Variants in KLHL13 observed in about 807,000 individuals in gnomAD.
KLHL13 encodes the protein kelch like family member 13, also known as kelch-like protein 13.
A neutral mutation model predicts 37.1 loss-of-function variants in KLHL13; 10 were observed. The ratio of observed to expected loss-of-function variants is 0.27; its 90% CI spans 0.17 to 0.46. The LOEUF is 0.46. KLHL13 is among the 20% of genes least tolerant of loss of function. KLHL13 has a pLI of 1.00. For missense variants in KLHL13, 360 were observed against 509.3 expected (o/e 0.71, Z 2.82); for synonymous variants, 163 against 181.2 (o/e 0.90, Z 0.81).
At chrX:117,950,526 A>T (rs1273850401) in intron 1 of KLHL13, among the ~76,000 whole-genome samples, 1 of 112,061 alleles carries the variant, frequency 8.9e-6, no homozygotes. Context: ...TATAATATAG[A>T]TATTTCAAGT....
rs762268922 is a variant in KLHL13, at chrX:117,981,249, C to T, written c.-55-35674G>A. On this transcript the variant is annotated intron_variant, in intron 1 of 6. Coordinates refer to the KLHL13 transcript ENST00000371882. Reference sequence around the variant, plus strand: ...TTCATGTGTTGTAAAATAATCACAGCTTGTTTTGGCATTAGGTTTAGCTTT... The same window carrying T: ...TTCATGTGTTGTAAAATAATCACAGTTTGTTTTGGCATTAGGTTTAGCTTT... 3.6e-5 allele frequency among the ~76,000 whole-genome samples: 4 copies of T among 112,218 alleles called. No individual in the cohort carries two copies. The South Asian group carries it at 1.5e-3, about 41-fold the overall frequency.
At chrX:118,075,386 T>C (rs1396795662) in intron 1 of KLHL13, among the ~76,000 whole-genome samples, 1 of 112,081 alleles carries the variant, frequency 8.9e-6, no homozygotes. Flanking sequence ...TTAGCAGTAT[T>C]TCTCAAAATG....
intron 1 of KLHL13, among the ~76,000 whole-genome samples, chrX:117,950,955 T>C (rs1277466123): frequency 8.9e-6 from 1 of 112,320 alleles, no homozygotes; most frequent in Non-Finnish European, 1.9e-5. Context: ...AGGTATTTCC[T>C]TCCACCCTTG....
intron 1 of KLHL13, among the ~76,000 whole-genome samples, chrX:117,952,631 G>A (rs1197634928): frequency 9.1e-6 from 1 of 109,517 alleles, no homozygotes; most frequent in Non-Finnish European, 1.9e-5. Context: ...TACAAAATGG[G>A]AGAAAATTTT....
chrX:118,090,371 C>G (rs1273258944), intron 1 of KLHL13, among the ~76,000 whole-genome samples: 1 of 111,304 alleles, frequency 9.0e-6, no homozygotes, highest in Non-Finnish European at 1.9e-5. Flanking sequence ...TTGCAATCTA[C>G]TTATCTAACA....
At chrX:117,999,820 C>T (rs1343407672) in intron 1 of KLHL13, among the ~76,000 whole-genome samples, 1 of 111,314 alleles carries the variant, frequency 9.0e-6, no homozygotes, top group Non-Finnish European at 1.9e-5. Context: ...ATAACTGGCA[C>T]ATAGAACGGA....
chrX:118,028,396 A>G (rs1015819844), intron 1 of KLHL13, 28 bp downstream of exon 2: 4 of 975,509 alleles, frequency 4.1e-6, no homozygotes, highest in African/African-American at 1.9e-5. Context: ...AAGACGTTAT[A>G]TAAGTTAAAC....
intron 1 of KLHL13, among the ~76,000 whole-genome samples, chrX:118,039,339 C>A (rs1361826106): frequency 8.9e-6 from 1 of 112,068 alleles, no homozygotes; most frequent in Non-Finnish European, 1.9e-5. Context: ...CCTGCCCTGG[C>A]CAGAGGGGAG....
rs2053794597 is a variant in KLHL13, at chrX:117,991,853, C to A, written c.-55-46278G>T. Among the ~76,000 whole-genome samples, 4 of 54,619 alleles carry A rather than the reference C, an allele frequency of 7.3e-5. 1 individual carries two copies. The allele number at this position is 54,619 out of a possible 115,157, so 47.4% of individuals were successfully genotyped here. A position where few individuals can be genotyped will look rare whatever the true frequency, so the allele number is the denominator to read the frequency against. The stretch of plus-strand genomic sequence containing the variant: ...ATCTTCTCCTACAGTGAAACTCTCT[C>A]TCTCTCTCTCTCTCTCTCTCTCTCT... On this transcript the variant is annotated intron_variant, in intron 1 of 6. Coordinates refer to the KLHL13 transcript ENST00000371882.
chrX:118,013,073 T>G (rs2054088384), intron 1 of KLHL13, among the ~76,000 whole-genome samples: 1 of 112,322 alleles, frequency 8.9e-6, no homozygotes, highest in African/African-American at 3.2e-5. Context: ...AACTTGTCTG[T>G]AAGAAATGGT....
At chrX:118,043,104 G>C (rs919461813) in intron 1 of KLHL13, among the ~76,000 whole-genome samples, 2 of 111,244 alleles carry the variant, frequency 1.8e-5, no homozygotes, top group African/African-American at 6.5e-5. Context: ...TGGCTACTAT[G>C]AGCAAATACA....
intron 2 of KLHL13, among the ~76,000 whole-genome samples, chrX:117,929,397 G>A (rs1397844922): frequency 1.8e-5 from 2 of 110,643 alleles, no homozygotes; most frequent in African/African-American, 3.3e-5. Context: ...AAAATCCATC[G>A]GGCACAAAGA....
intron 1 of KLHL13, among the ~76,000 whole-genome samples, chrX:117,961,618 G>C (rs894281339): frequency 1.8e-5 from 2 of 111,566 alleles, no homozygotes; most frequent in Non-Finnish European, 3.8e-5. Flanking sequence ...AAAAATGGAA[G>C]AGGAAGGCAG....
At chrX:118,101,373 G>C (rs183381111) in intron 1 of KLHL13, among the ~76,000 whole-genome samples, 2 of 111,511 alleles carry the variant, frequency 1.8e-5, no homozygotes, top group African/African-American at 6.5e-5. Flanking sequence ...TATCATGACA[G>C]ACAATACAGA....
chrX:118,030,391 G>C (rs1416595650), intron 1 of KLHL13, among the ~76,000 whole-genome samples: 2 of 111,719 alleles, frequency 1.8e-5, no homozygotes, highest in Non-Finnish European at 1.9e-5. Flanking sequence ...ATGTTGAAAA[G>C]GGAAAAATCT....
At chrX:118,081,404 T>C (rs2054992199) in intron 1 of KLHL13, among the ~76,000 whole-genome samples, 1 of 111,377 alleles carries the variant, frequency 9.0e-6, no homozygotes. Context: ...TCAATATCTA[T>C]AAAAAAATAA....
chrX:118,038,758 G>A (rs1196572417), intron 1 of KLHL13, among the ~76,000 whole-genome samples: 2 of 111,361 alleles, frequency 1.8e-5, no homozygotes, highest in Non-Finnish European at 3.8e-5. Context: ...GCAAGTCCTG[G>A]TGTTATGCTG....
intron 1 of KLHL13, among the ~76,000 whole-genome samples, chrX:118,062,306 G>GT (rs760298567): frequency 9.0e-6 from 1 of 110,574 alleles, no homozygotes; most frequent in Admixed American, 9.7e-5. Flanking sequence ...GTCATGACAT[G>GT]TTTTCTCGGC....
intron 1 of KLHL13, among the ~76,000 whole-genome samples, chrX:118,035,002 T>C (rs1482207775): frequency 1.1e-5 from 1 of 94,039 alleles, no homozygotes; most frequent in East Asian, 3.0e-4. Context: ...AAGAAATGGA[T>C]AAATTCCTTG....
Sources: gnomAD v4.1 joint callset for allele counts (sites outside exome capture counted in the v4.1 genomes callset) on GRCh38, gnomAD v4.1.1 for gene constraint, MANE v1.5 for transcripts, NCBI Gene and HGNC (gene_info 2026-07-23, HGNC 2026-07-21) for gene names.